The following OSBP2 variants were observed in gnomAD, a reference collection of about 807,000 sequenced individuals.
The protein encoded by OSBP2 is oxysterol binding protein 2.
A neutral mutation model predicts 96.0 loss-of-function variants in OSBP2; 66 were observed. That is an observed-to-expected ratio of 0.69 (90% CI 0.56 to 0.84). The LOEUF is 0.84. OSBP2 is among the 40% of genes least tolerant of loss of function. The pLI, the probability that OSBP2 is intolerant of heterozygous loss-of-function variation, is 0.00. For missense variants in OSBP2, 1,038 were observed against 1,222.7 expected, an observed-to-expected ratio of 0.85 and a Z score of 2.25; for synonymous variants, 525 against 520.9, an observed-to-expected ratio of 1.01 and a Z score of -0.11.
intron 2 of OSBP2, among the ~76,000 whole-genome samples, chr22:30,857,474 A>G (rs1034649415): frequency 6.6e-6 from 1 of 152,222 alleles, no homozygotes; most frequent in Non-Finnish European, 1.5e-5. Context: ...CCGATATGGG[A>G]CAGGTTGGCC....
At chr22:30,778,299 ATG>A (rs2090463445) in intron 2 of OSBP2, among the ~76,000 whole-genome samples, 1 of 133,450 alleles carries the variant, frequency 7.5e-6, no homozygotes, top group Non-Finnish European at 1.6e-5. Context: ...GCCCGTGTGC[ATG>A]TGCACACACA....
intron 2 of OSBP2, among the ~76,000 whole-genome samples, chr22:30,823,077 C>T (rs2038317581): frequency 6.6e-6 from 1 of 152,246 alleles, no homozygotes; most frequent in African/African-American, 2.4e-5. Context: ...GGTCCGCATG[C>T]CCCTGGAGCC....
chr22:30,780,744 C>T (rs879837216), intron 2 of OSBP2, among the ~76,000 whole-genome samples: 7 of 152,298 alleles, frequency 4.6e-5, no homozygotes, highest in Non-Finnish European at 8.8e-5. Context: ...GTGATCCGCT[C>T]GTCTTGGCCT....
intron 12 of OSBP2, among the ~76,000 whole-genome samples, chr22:30,898,431 A>AGAT (rs2040113997): frequency 6.6e-6 from 1 of 152,226 alleles, no homozygotes; most frequent in Admixed American, 6.5e-5. Context: ...ACTGCTATAA[A>AGAT]GATACCACCA....
chr22:30,901,958 T>A (rs929488830), intron 12 of OSBP2, among the ~76,000 whole-genome samples: 12 of 152,094 alleles, frequency 7.9e-5, no homozygotes, highest in African/African-American at 2.4e-4. Context: ...CAACAGGACT[T>A]ATGCATGAGA....
At chr22:30,696,137 C>G (rs2089029114) in intron 1 of OSBP2, among the ~76,000 whole-genome samples, 1 of 152,122 alleles carries the variant, frequency 6.6e-6, no homozygotes, top group African/African-American at 2.4e-5. Flanking sequence ...TTGCGGAGAG[C>G]TAGGAAGTGT....
chr22:30,798,349 G>T (rs1296838309), intron 2 of OSBP2, among the ~76,000 whole-genome samples: 1 of 152,074 alleles, frequency 6.6e-6, no homozygotes, highest in Non-Finnish European at 1.5e-5. Context: ...TATATGATTT[G>T]CAAATATTTT....
At chr22:30,828,182 C>T (rs950756906) in intron 2 of OSBP2, among the ~76,000 whole-genome samples, 1 of 152,156 alleles carries the variant, frequency 6.6e-6, no homozygotes, top group Non-Finnish European at 1.5e-5. Flanking sequence ...ATGGAGGTCT[C>T]GAATCTTTCA....
chr22:30,718,630 C>G (rs1208439191), intron 1 of OSBP2, among the ~76,000 whole-genome samples: 2 of 152,212 alleles, frequency 1.3e-5, no homozygotes, highest in Non-Finnish European at 2.9e-5. Context: ...TTAGCTGGGC[C>G]TCAGGTGTTC....
At chr22:30,712,955 T>C (rs897908789) in intron 1 of OSBP2, among the ~76,000 whole-genome samples, 3 of 152,128 alleles carry the variant, frequency 2.0e-5, no homozygotes, top group African/African-American at 7.2e-5. Flanking sequence ...TCACCTAGGC[T>C]GGAGTGGTAC....
chr22:30,772,062 A>G (rs1311480252), intron 2 of OSBP2, among the ~76,000 whole-genome samples: 5 of 152,202 alleles, frequency 3.3e-5, no homozygotes, highest in Non-Finnish European at 5.9e-5. Flanking sequence ...AGACAGCCGC[A>G]AGCCAGAGAA....
chr22:30,719,840 G>C (rs1395282736), intron 1 of OSBP2, among the ~76,000 whole-genome samples: 1 of 150,244 alleles, frequency 6.7e-6, no homozygotes, highest in Non-Finnish European at 1.5e-5. Flanking sequence ...GGACAACATA[G>C]AACCCATCTC....
At chr22:30,730,767 T>TCTCTC (rs1569100413) in intron 1 of OSBP2, among the ~76,000 whole-genome samples, 4 of 49,044 alleles carry the variant, frequency 8.2e-5, no homozygotes, top group Non-Finnish European at 1.1e-4. Context: ...TCTCTCTCTC[T>TCTCTC]CTCTCTCTAT....
intron 2 of OSBP2, among the ~76,000 whole-genome samples, chr22:30,794,301 G>A (rs898111058): frequency 8.8e-4 from 118 of 133,520 alleles, no homozygotes; most frequent in African/African-American, 2.8e-3. Context: ...TCACTCTGTC[G>A]CCTAGGCTGG....
intron 1 of OSBP2, among the ~76,000 whole-genome samples, chr22:30,719,110 G>A (rs926042009): frequency 1.3e-5 from 2 of 151,978 alleles, no homozygotes; most frequent in African/African-American, 2.4e-5. Flanking sequence ...GCTGATTCCC[G>A]CTGTGCCTTC....
At chr22:30,720,582 G>C (rs936384001) in intron 1 of OSBP2, among the ~76,000 whole-genome samples, 2 of 152,160 alleles carry the variant, frequency 1.3e-5, no homozygotes, top group African/African-American at 4.8e-5. Context: ...TTACACAGGT[G>C]ATCTCTGGTC....
At chr22:30,754,516 G>A (rs895219404) in intron 2 of OSBP2, among the ~76,000 whole-genome samples, 4 of 152,126 alleles carry the variant, frequency 2.6e-5, no homozygotes, top group East Asian at 1.9e-4. Context: ...AGGTATGCTG[G>A]CCCATGCAGA....
chr22:30,815,375 C>T (rs1283910980), intron 2 of OSBP2, among the ~76,000 whole-genome samples: 1 of 152,212 alleles, frequency 6.6e-6, no homozygotes, highest in Non-Finnish European at 1.5e-5. Context: ...CCCATGGCCT[C>T]ATAACTCTCA....
intron 2 of OSBP2, among the ~76,000 whole-genome samples, chr22:30,857,574 C>T (rs1459288152): frequency 2.6e-5 from 4 of 152,208 alleles, no homozygotes; most frequent in Non-Finnish European, 5.9e-5. Flanking sequence ...TTTTCTACCT[C>T]GAACATGGGT....
Sources: allele counts gnomAD v4.1 joint callset (sites outside exome capture counted in the v4.1 genomes callset), GRCh38; gene constraint gnomAD v4.1.1; transcripts MANE v1.5; gene names NCBI Gene and HGNC (gene_info 2026-07-23, HGNC 2026-07-21).